TAF3: variants seen among roughly 807,000 people sequenced by gnomAD.
The protein encoded by TAF3 is transcription initiation factor TFIID subunit 3.
TAF3 carries 7 observed loss-of-function variants against 80.6 expected under a neutral mutation model. The observed-to-expected ratio is 0.09, with a 90% CI of 0.05 to 0.16. The LOEUF (loss-of-function observed/expected upper bound fraction) is 0.16, where lower values mean the gene tolerates loss of function less well. TAF3 is among the 10% of genes least tolerant of loss of function. The pLI is 1.00. For synonymous variants in TAF3, 444 were observed against 446.1 expected (o/e 1.00, Z 0.06); for missense variants, 921 against 1,140.2 (o/e 0.81, Z 2.77).
intron 2 of TAF3, among the ~76,000 whole-genome samples, chr10:7,843,545 A>T (rs1044172346): frequency 2.0e-5 from 3 of 152,114 alleles, no homozygotes; most frequent in Non-Finnish European, 4.4e-5. Context: ...TATTTAAAAT[A>T]CTACTTAAAT....
chr10:7,978,322 T>C (rs934488317), intron 4 of TAF3, among the ~76,000 whole-genome samples: 3 of 152,212 alleles, frequency 2.0e-5, no homozygotes, highest in African/African-American at 4.8e-5. Context: ...AAAAGTTACA[T>C]GTATTGATAC....
In TAF3 at chr10:8,014,741, G is replaced by C. The variant is rs1161252101; in HGVS notation, c.2780G>C (p.Arg927Pro). 6.3e-7 allele frequency: 1 copy of C among 1,594,626 alleles called. No individual in the cohort carries two copies. The highest frequency in any genetic ancestry group is 8.5e-7 in the Non-Finnish European group (1 of 1,170,308). Residue 927 changes from arginine (R) to proline (P), a missense_variant, in exon 7 of 7, where the codon CGA (arginine) becomes CCA (proline). Arg to Pro is a moderately radical substitution (Grantham distance 103). This residue lies in a region of TAF3 where 29 missense variants were observed against 20.3 expected (regional missense o/e 1.43). Transcript: ENST00000344293. ...AAAAAGCACAAGAAGAGGAAGCATC[G>C]AGCCCACTGACGACTCCCGAGGGGC... is the stretch of plus-strand genomic sequence containing the variant. ...KDKKHKKRKH[R>P]AH
At chr10:7,957,657 ATATG>A (rs754969554) in intron 2 of TAF3, among the ~76,000 whole-genome samples, 4 of 152,192 alleles carry the variant, frequency 2.6e-5, no homozygotes, top group Non-Finnish European at 4.4e-5. Flanking sequence ...TGTTTCTCAC[ATATG>A]TACAGAAGAG....
chr10:7,903,751 A>G (rs1302260622), intron 2 of TAF3, among the ~76,000 whole-genome samples: 3 of 152,186 alleles, frequency 2.0e-5, no homozygotes. Context: ...CCAGGCAGAC[A>G]TAAATATGTT....
chr10:7,907,440 G>T lies in TAF3; in HGVS notation c.410-56480G>T, dbSNP rs115846727. The stretch of plus-strand genomic sequence containing the variant: ...AATTTATATTAGAAAAATACAATTA[G>T]CCCAAGGATCCAGTGAGTTCATGGC... On this transcript the variant is annotated intron_variant, in intron 2 of 6. Transcript: ENST00000344293. 3.0e-3 allele frequency among the ~76,000 whole-genome samples: 452 copies of T among 152,242 alleles called. 3 individuals carry two copies. The highest frequency in any genetic ancestry group is 9.8e-3 in the African/African-American group (406 of 41,544).
intron 2 of TAF3, among the ~76,000 whole-genome samples, chr10:7,957,363 T>C (rs1013061530): frequency 2.0e-5 from 3 of 152,192 alleles, no homozygotes; most frequent in African/African-American, 7.2e-5. Context: ...TGTGTGCTGC[T>C]ATTGGTTTTA....
At chr10:8,004,907 G>A (rs1831977498) in intron 4 of TAF3, among the ~76,000 whole-genome samples, 1 of 152,086 alleles carries the variant, frequency 6.6e-6, no homozygotes, top group African/African-American at 2.4e-5. Flanking sequence ...GATCAAACAT[G>A]CACTAATTAG....
chr10:7,954,576 T>G (rs79535041), intron 2 of TAF3, among the ~76,000 whole-genome samples: 61 of 101,972 alleles, frequency 6.0e-4, no homozygotes, highest in African/African-American at 9.9e-4. Flanking sequence ...TAGTGAGATT[T>G]AGAGTGCACT....
At chr10:7,914,502 G>A (rs1041348921) in intron 2 of TAF3, among the ~76,000 whole-genome samples, 1 of 152,192 alleles carries the variant, frequency 6.6e-6, no homozygotes, top group Non-Finnish European at 1.5e-5. Context: ...GCCATCCCTA[G>A]TTGCCCACTT....
At chr10:7,930,667 T>G (rs1434192670) in intron 2 of TAF3, among the ~76,000 whole-genome samples, 2 of 152,156 alleles carry the variant, frequency 1.3e-5, no homozygotes, top group South Asian at 2.1e-4. Flanking sequence ...TTAAGCGCCA[T>G]TTGATCAGAG....
Position 7,964,089 on chromosome 10 carries a change from G to A in TAF3, c.579G>A (p.Lys193=), listed in dbSNP as rs747181518. 4 of 1,613,984 alleles carry A rather than the reference G, an allele frequency of 2.5e-6. No individual in the cohort carries two copies. The highest frequency in any genetic ancestry group is 3.4e-6 in the Non-Finnish European group (4 of 1,180,030). Reference sequence around the variant, plus strand: ...AAGCTGAAGAACTGCCAGCCATGAAGCGGCCTCGGCTATTAAGCACTAAAG... The same window carrying A: ...AAGCTGAAGAACTGCCAGCCATGAAACGGCCTCGGCTATTAAGCACTAAAG... The part of the protein sequence containing the change: ...SPEAEELPAM[K]RPRLLSTKGD... Residue 193 remains lysine (K), a synonymous_variant, in exon 3 of 7, where the codon AAG becomes AAA. Transcript: ENST00000344293. The surrounding 1 kb of genome is among the most constrained non-coding windows in gnomAD (Gnocchi z 4.1).
At chr10:7,874,456 T>C (rs1588534386) in intron 2 of TAF3, among the ~76,000 whole-genome samples, 1 of 152,100 alleles carries the variant, frequency 6.6e-6, no homozygotes, top group Non-Finnish European at 1.5e-5. Context: ...AGGTGGGGAA[T>C]AGTGTGGAAA....
Position 7,968,446 on chromosome 10 carries a change from T to TTG in TAF3, c.2232+2705_2232+2706dup, listed in dbSNP as rs139695614. On this transcript the variant is annotated intron_variant, in intron 3 of 6. Transcript: ENST00000344293. ...ATTTGCATGGTAGGTAGAAGGAGCTTTGGGCTTTGGAATCCAGCAGACCTG... is the reference window on the plus strand; with the variant it reads ...ATTTGCATGGTAGGTAGAAGGAGCTTTGTGGGCTTTGGAATCCAGCAGACCTG... 5.4e-4 allele frequency among the ~76,000 whole-genome samples: 83 copies of TTG among 152,328 alleles called. 2 individuals are homozygous for TTG. The East Asian group carries it at 0.016, about 29-fold the overall frequency.
intron 2 of TAF3, among the ~76,000 whole-genome samples, chr10:7,914,521 G>C (rs1049283064): frequency 6.6e-6 from 1 of 152,162 alleles, no homozygotes; most frequent in Non-Finnish European, 1.5e-5. Flanking sequence ...TTTGTACTCC[G>C]AGCCTGGTAT....
intron 2 of TAF3, among the ~76,000 whole-genome samples, chr10:7,911,941 TTAAAGC>T (rs1321136746): frequency 2.0e-5 from 3 of 152,194 alleles, no homozygotes; most frequent in Non-Finnish European, 4.4e-5. Flanking sequence ...GCACTTAAGT[TTAAAGC>T]CCTTACTTTA....
intron 4 of TAF3, among the ~76,000 whole-genome samples, chr10:7,988,770 A>AAT (rs902477039): frequency 9.3e-5 from 14 of 149,886 alleles, no homozygotes; most frequent in Admixed American, 6.7e-5. Context: ...AAAAAAAAAA[A>AAT]ATCAAGATTA....
At chr10:7,850,695 G>GTA (rs536986979) in intron 2 of TAF3, among the ~76,000 whole-genome samples, 40 of 130,936 alleles carry the variant, frequency 3.1e-4, no homozygotes, top group African/African-American at 4.2e-4. Flanking sequence ...AAATATATAT[G>GTA]TATATATATA....
intron 2 of TAF3, among the ~76,000 whole-genome samples, chr10:7,887,953 A>G (rs1435632667): frequency 2.0e-5 from 3 of 152,138 alleles, no homozygotes; most frequent in Non-Finnish European, 4.4e-5. Flanking sequence ...AACTTTTTTA[A>G]TGGAACTTTC....
At chr10:7,865,164 G>A (rs542242556) in intron 2 of TAF3, among the ~76,000 whole-genome samples, 32 of 152,090 alleles carry the variant, frequency 2.1e-4, no homozygotes, top group Non-Finnish European at 2.4e-4. Flanking sequence ...AGAGGGCAGG[G>A]AATAGTGGTT....
Sources: allele counts gnomAD v4.1 joint callset (sites outside exome capture counted in the v4.1 genomes callset), GRCh38; gene constraint gnomAD v4.1.1; regional missense constraint gnomAD v4.1.1; non-coding constraint Gnocchi (gnomAD v3.1); transcripts MANE v1.5; gene names NCBI Gene and HGNC (gene_info 2026-07-23, HGNC 2026-07-21).